EML4: variants seen among roughly 807,000 people sequenced by gnomAD.
The protein encoded by EML4 is EMAP like 4.
Under a neutral mutation model 129.0 loss-of-function variants are expected in EML4, and 72 were observed. The observed-to-expected ratio is 0.56, with a 90% CI of 0.46 to 0.68. The LOEUF (loss-of-function observed/expected upper bound fraction) is 0.68. EML4 is among the 30% of genes least tolerant of loss of function. The pLI, the probability that EML4 is intolerant of heterozygous loss-of-function variation, is 0.00. For missense variants in EML4, 1,363 were observed against 1,190.6 expected (o/e 1.14, Z -2.13); for synonymous variants, 532 against 405.0 (o/e 1.31, Z -3.77).
intron 19 of EML4, among the ~76,000 whole-genome samples, chr2:42,322,768 T>G (rs1006378768): frequency 2.6e-5 from 4 of 152,220 alleles, no homozygotes; most frequent in African/African-American, 9.7e-5. Context: ...CACTTTGCAT[T>G]AGCCTGTGAC....
At chr2:42,169,823 A>C (rs576750093) in intron 1 of EML4, 187 bp downstream of exon 1, 13 of 517,322 alleles carry the variant, frequency 2.5e-5, no homozygotes, top group Admixed American at 2.4e-4. Flanking sequence ...CCCATGTCCA[A>C]CTCTCCTCTG....
At chr2:42,264,009 G>A (rs1029169847) in intron 5 of EML4, among the ~76,000 whole-genome samples, 10 of 152,060 alleles carry the variant, frequency 6.6e-5, no homozygotes, top group African/African-American at 1.9e-4. Flanking sequence ...GATTACAGGC[G>A]TGAGCCACCG....
chr2:42,308,944 T>A (rs979279206), intron 17 of EML4, among the ~76,000 whole-genome samples: 1 of 152,256 alleles, frequency 6.6e-6, no homozygotes, highest in African/African-American at 2.4e-5. Context: ...ACATTCCATT[T>A]TATGGATATA....
chr2:42,317,069 C>G (rs555329361), intron 18 of EML4, among the ~76,000 whole-genome samples: 1 of 152,128 alleles, frequency 6.6e-6, no homozygotes, highest in African/African-American at 2.4e-5. Context: ...CCAAGAGCAC[C>G]TGTTCTGTAA....
chr2:42,268,814 G>GT (rs1260158671), intron 6 of EML4, among the ~76,000 whole-genome samples: 2 of 152,034 alleles, frequency 1.3e-5, no homozygotes, highest in African/African-American at 4.8e-5. Context: ...TCCTCAAAAT[G>GT]TTTTTTTCAG....
intron 17 of EML4, among the ~76,000 whole-genome samples, chr2:42,306,092 G>C (rs1346667716): frequency 6.6e-6 from 1 of 152,216 alleles, no homozygotes; most frequent in African/African-American, 2.4e-5. Flanking sequence ...TAGGCTGCTT[G>C]AGAGAGCATT....
chr2:42,259,688 G>A (rs932359585), intron 3 of EML4, among the ~76,000 whole-genome samples: 11 of 149,582 alleles, frequency 7.4e-5, no homozygotes, highest in Non-Finnish European at 1.5e-4. Context: ...ATGTTAGAAC[G>A]CATCTCTCTT....
chr2:42,225,735 T>C (rs1259093603), intron 1 of EML4, among the ~76,000 whole-genome samples: 5 of 152,186 alleles, frequency 3.3e-5, no homozygotes, highest in African/African-American at 1.2e-4. Context: ...GAAGTTTGCC[T>C]AGTCATGTCT....
chr2:42,195,989 T>C (rs1006052816), intron 1 of EML4, among the ~76,000 whole-genome samples: 2 of 152,212 alleles, frequency 1.3e-5, no homozygotes, highest in African/African-American at 4.8e-5. Flanking sequence ...TGTTTAAATA[T>C]TGGTCATACT....
At chr2:42,216,333 C>CCCGG (rs1373272340) in intron 1 of EML4, among the ~76,000 whole-genome samples, 5 of 148,038 alleles carry the variant, frequency 3.4e-5, no homozygotes, top group African/African-American at 1.3e-4. Context: ...ACCTCTGCTG[C>CCCGG]CCGGGTTCAA....
chr2:42,260,474 G>C (rs989385747), intron 3 of EML4, among the ~76,000 whole-genome samples: 6 of 152,248 alleles, frequency 3.9e-5, no homozygotes, highest in African/African-American at 1.4e-4. Context: ...CCGCCTCTGT[G>C]ATTTTTTAAA....
In EML4 at chr2:42,326,217, C is replaced by A; in HGVS notation, c.2306C>A (p.Thr769Lys). ...NRSDCKDIDW[T>K]TYTCVLGFQV... ...TCGGATTGTAAGGACATTGATTGGA[C>A]GACATATACCTGTGTGCTAGGATTT... The change falls in exon 21 of 23, where the codon ACG (threonine) becomes AAG (lysine). Residue 769 changes from threonine to lysine, a missense_variant. Physicochemically the swap from Thr to Lys is moderately conservative, Grantham distance 78 (BLOSUM62 -1). Transcript: ENST00000318522. 1 of 1,612,964 alleles carries A rather than the reference C, an allele frequency of 6.2e-7. No individual in the cohort carries two copies. The highest frequency in any genetic ancestry group is 2.2e-5 in the East Asian group (1 of 44,768).
At chr2:42,172,981 C>G (rs1253785133) in intron 1 of EML4, among the ~76,000 whole-genome samples, 2 of 152,126 alleles carry the variant, frequency 1.3e-5, no homozygotes, top group African/African-American at 4.8e-5. Flanking sequence ...TTAAATTTTT[C>G]TGCCTCAAAA....
chr2:42,206,343 A>G (rs1672536976), intron 1 of EML4, among the ~76,000 whole-genome samples: 2 of 152,142 alleles, frequency 1.3e-5, no homozygotes, highest in South Asian at 2.1e-4. Flanking sequence ...CCTCCTAAGT[A>G]GCTGGGCCTA....
intron 18 of EML4, 136 bp downstream of exon 18, chr2:42,316,186 C>T (rs1283999235): frequency 1.6e-5 from 8 of 499,872 alleles, no homozygotes; most frequent in Admixed American, 3.8e-5. Flanking sequence ...TTTCCCCCAA[C>T]ATCAAATTAA....
At chr2:42,311,615 C>T (rs928975152) in intron 17 of EML4, among the ~76,000 whole-genome samples, 21 of 152,254 alleles carry the variant, frequency 1.4e-4, no homozygotes, top group African/African-American at 4.1e-4. Flanking sequence ...TAAAAACTCA[C>T]CTGATACAGA....
At chr2:42,188,060 C>A (rs1222270993) in intron 1 of EML4, among the ~76,000 whole-genome samples, 3 of 152,008 alleles carry the variant, frequency 2.0e-5, no homozygotes, top group Non-Finnish European at 4.4e-5. Context: ...ATTTTTGTTC[C>A]AGCACAATTG....
rs753093955 is a variant in EML4 at position 42,329,996 on chromosome 2, A to G, written c.2735A>G (p.Glu912Gly). 3 of 1,613,888 alleles carry G rather than the reference A, an allele frequency of 1.9e-6. No individual in the cohort carries two copies. The highest frequency in any genetic ancestry group is 3.3e-5 in the Admixed American group (2 of 59,968). Reference protein sequence around the residue: ...PSQPLNETAEEESRISSSPTL... With the variant: ...PSQPLNETAEGESRISSSPTL... ...CAGCCCTTAAATGAGACAGCTGAAG[A>G]GGAAAGTAGAATAAGCAGTTCTCCC... The change falls in exon 23 of 23, where the codon GAG becomes GGG. Residue 912 changes from glutamate (E) to glycine (G), a missense_variant. By Grantham distance (98) the Glu-to-Gly change is moderately conservative. Coordinates refer to ENST00000318522, the MANE Select transcript of EML4 (RefSeq NM_019063.5).
chr2:42,271,716 A>C (rs1424608172), intron 6 of EML4, among the ~76,000 whole-genome samples: 16 of 152,088 alleles, frequency 1.1e-4, no homozygotes, highest in Non-Finnish European at 2.4e-4. Context: ...ATACTTTTTA[A>C]AAAAATCTAA....
Sources: allele counts gnomAD v4.1 joint callset (sites outside exome capture counted in the v4.1 genomes callset), GRCh38; gene constraint gnomAD v4.1.1; transcripts MANE v1.5; gene names NCBI Gene and HGNC (gene_info 2026-07-23, HGNC 2026-07-21).